XKR7: variants seen among roughly 807,000 people sequenced by gnomAD.
XKR7 encodes the protein XK-related protein 7.
A neutral mutation model predicts 42.2 loss-of-function variants in XKR7; 11 were observed. The observed-to-expected ratio is 0.26, with a 90% CI of 0.16 to 0.43. The LOEUF (loss-of-function observed/expected upper bound fraction) is 0.43, where lower values mean the gene tolerates loss of function less well. Among genes scored for constraint, XKR7 ranks in the 20% least tolerant of loss-of-function variants. The pLI, the probability that XKR7 is intolerant of heterozygous loss-of-function variation, is 1.00. For missense variants in XKR7, 710 were observed against 802.2 expected (o/e 0.89, Z 1.39); for synonymous variants, 346 against 366.4 (o/e 0.94, Z 0.64).
In XKR7 at chr20:32,001,095, G is replaced by A. The variant is rs2064622816; in HGVS notation, c.*3638G>A. On this transcript the variant is annotated 3_prime_UTR_variant, in exon 3 of 3. Coordinates refer to ENST00000562532, the MANE Select transcript of XKR7 (RefSeq NM_001011718.2). Reference sequence around the variant, plus strand: ...GGGCTGAGGGAGCTGGGAATATCCAGGGAAGGTCTCGCTTGCAGTCAACAC... The same window carrying A: ...GGGCTGAGGGAGCTGGGAATATCCAAGGAAGGTCTCGCTTGCAGTCAACAC... 1 of 152,272 alleles carries A rather than the reference G, an allele frequency of 6.6e-6. No homozygotes were observed. The allele number at this position is 152,272 out of a possible 1,614,324, so 9.4% of individuals were successfully genotyped here. A position where few individuals can be genotyped will look rare whatever the true frequency, so the allele number is the denominator to read the frequency against.
In XKR7 at chr20:31,996,886, T is replaced by C; in HGVS notation, c.1169T>C (p.Ile390Thr). 1 of 1,613,946 alleles carries C rather than the reference T, an allele frequency of 6.2e-7. No individual in the cohort carries two copies. Among genetic ancestry groups the C allele is most frequent in the East Asian group, 2.2e-5 (1 of 44,866 alleles). Residue 390 changes from isoleucine to threonine, a missense_variant, in exon 3 of 3, where the codon ATC (isoleucine) becomes ACC (threonine). By Grantham distance (89) the Ile-to-Thr change is moderately conservative. Transcript: ENST00000562532. ...CGCCGCATGACCCTCTACCACTGCA[T>C]CGTCCTGCTGGAGAACGCCGCGCTC... ...SRRRMTLYHC[I>T]VLLENAALTG...
chr20:31,976,013 CT>C (rs530297812), intron 1 of XKR7, among the ~76,000 whole-genome samples: 49 of 152,354 alleles, frequency 3.2e-4, no homozygotes, highest in African/African-American at 1.1e-3. Flanking sequence ...GTCACTTAAC[CT>C]TTCTGGACCT....
intron 1 of XKR7, among the ~76,000 whole-genome samples, chr20:31,986,831 A>C (rs1354930845): frequency 6.7e-6 from 1 of 148,242 alleles, no homozygotes; most frequent in Non-Finnish European, 1.5e-5. Context: ...CCCAGCATCC[A>C]AGACACAGAC....
Position 31,986,783 on chromosome 20 carries a change from C to CACAG in XKR7, c.585-8267_585-8264dup, listed in dbSNP as rs1283943474. Among the ~76,000 whole-genome samples, 75 of 139,670 alleles carry CACAG rather than the reference C, an allele frequency of 5.4e-4. No individual in the cohort carries two copies. In the East Asian group the frequency reaches 9.7e-3, roughly 18 times the overall value. 91.6% of individuals were successfully genotyped at this position (139,670 alleles called of 152,430 possible). The stretch of plus-strand genomic sequence containing the variant: ...CACCAAGCAGACCCAGCATCCAAGA[C>CACAG]ACAGACAGACAGACAGACAGAGAGA... On this transcript the variant is annotated intron_variant, in intron 1 of 2. Coordinates refer to ENST00000562532, the MANE Select transcript of XKR7 (RefSeq NM_001011718.2).
At chr20:31,980,491 G>T (rs2122259544) in intron 1 of XKR7, among the ~76,000 whole-genome samples, 1 of 152,348 alleles carries the variant, frequency 6.6e-6, no homozygotes, top group African/African-American at 2.4e-5. Flanking sequence ...GCCCCACGGT[G>T]AAATGGGGGA....
intron 1 of XKR7, among the ~76,000 whole-genome samples, chr20:31,985,329 G>C (rs1364631814): frequency 6.6e-6 from 1 of 152,152 alleles, no homozygotes; most frequent in Non-Finnish European, 1.5e-5. Context: ...GAACTGTGAG[G>C]GGGAGTGGGG....
intron 1 of XKR7, among the ~76,000 whole-genome samples, chr20:31,982,836 C>A (rs1280955047): frequency 6.6e-6 from 1 of 152,184 alleles, no homozygotes; most frequent in Non-Finnish European, 1.5e-5. Context: ...GTGCCAGAAA[C>A]CAAACTTCCT....
intron 1 of XKR7, among the ~76,000 whole-genome samples, chr20:31,989,178 G>A (rs1322175898): frequency 6.6e-6 from 1 of 152,196 alleles, no homozygotes. Flanking sequence ...GTGAGCTGAT[G>A]AGGAGCCAGC....
chr20:31,997,394 C>T lies in XKR7; in HGVS notation c.1677C>T (p.Pro559=), dbSNP rs749487126. Reference sequence around the variant, plus strand: ...TGGAGTACTCCTCACCTGCCACGCCCCGGTTGCAGTACCGGAGTGTGGGGA... The same window carrying T: ...TGGAGTACTCCTCACCTGCCACGCCTCGGTTGCAGTACCGGAGTGTGGGGA... ...LALEYSSPAT[P]RLQYRSVGTS... Residue 559 remains proline, a synonymous_variant, in exon 3 of 3, where the codon CCC becomes CCT. Transcript: ENST00000562532. The T allele has an allele frequency of 3.7e-6, 6 of 1,600,080 alleles. No individual in the cohort carries two copies. Among genetic ancestry groups the T allele is most frequent in the Non-Finnish European group, 5.1e-6 (6 of 1,179,910 alleles).
At chr20:31,986,251 G>C (rs2064539502) in intron 1 of XKR7, among the ~76,000 whole-genome samples, 2 of 89,712 alleles carry the variant, frequency 2.2e-5, no homozygotes, top group African/African-American at 4.7e-5. Flanking sequence ...CCACCAAGCA[G>C]ACCCAGCATC....
In XKR7 at chr20:31,968,511, C is replaced by A. The variant is rs1463481740; in HGVS notation, c.336C>A (p.Phe112Leu). Residue 112 changes from phenylalanine (F) to leucine (L), a missense_variant, in exon 1 of 3, where the codon TTC becomes TTA. Transcript: ENST00000562532. The surrounding 1 kb of genome is among the most constrained non-coding windows in gnomAD (Gnocchi z 4.5). The part of the protein sequence containing the change: ...LVVQLLSFRW[F>L]VYDYSEPAGS... ...TGCAGTTACTGAGCTTCCGCTGGTT[C>A]GTCTACGACTACTCGGAGCCCGCAG... 4 of 1,612,462 alleles carry A rather than the reference C, an allele frequency of 2.5e-6. No homozygotes were observed. Among genetic ancestry groups the A allele is most frequent in the Non-Finnish European group, 8.5e-7 (1 of 1,179,304 alleles).
At chr20:31,988,134 G>T (rs993266877) in intron 1 of XKR7, among the ~76,000 whole-genome samples, 2 of 152,242 alleles carry the variant, frequency 1.3e-5, no homozygotes, top group African/African-American at 2.4e-5. Flanking sequence ...GTGCAGGCCA[G>T]AAACTCTGAC....
At position 31,998,280 on chromosome 20, in the gene XKR7, C is replaced by G. The variant is rs1397706081; in HGVS notation, c.*823C>G. ...GCCATTTTTTGTTCTAGATGTGCAC[C>G]TGGAACGTGGCTTCTAGATACAGGT... On this transcript the variant is annotated 3_prime_UTR_variant, in exon 3 of 3. Transcript: ENST00000562532. 6.6e-6 allele frequency: 1 copy of G among 152,084 alleles called. No homozygotes were observed. The highest frequency in any genetic ancestry group is 1.5e-5 in the Non-Finnish European group (1 of 68,034). 9.4% of individuals were successfully genotyped at this position (152,084 alleles called of 1,614,324 possible).
intron 1 of XKR7, among the ~76,000 whole-genome samples, chr20:31,986,818 A>T (rs1476957282): frequency 6.8e-6 from 1 of 147,096 alleles, no homozygotes; most frequent in Non-Finnish European, 1.5e-5. Context: ...ACAACCAAGC[A>T]GACCCAGCAT....
chr20:31,995,668 A>AC lies in XKR7; in HGVS notation c.787+403dup, dbSNP rs920235607. On this transcript the variant is annotated intron_variant, in intron 2 of 2. Coordinates refer to ENST00000562532, the MANE Select transcript of XKR7 (RefSeq NM_001011718.2). This position sits in a 1 kb window ranked among gnomAD's most constrained non-coding sequence, Gnocchi z 4.1. Reference sequence around the variant, plus strand: ...TGATCCCAGCCTGCATCTCCTGGGGACCCCCTGCCTCATAGACCTGGCCAA... The same window carrying AC: ...TGATCCCAGCCTGCATCTCCTGGGGACCCCCCTGCCTCATAGACCTGGCCAA... 2.0e-5 allele frequency among the ~76,000 whole-genome samples: 3 copies of AC among 150,844 alleles called. No individual in the cohort carries two copies. Among genetic ancestry groups the AC allele is most frequent in the African/African-American group, 7.3e-5 (3 of 40,912 alleles).
chr20:31,996,481 C>A, intron 2 of XKR7, 24 bp from the exon 3 acceptor site: 1 of 806,668 alleles, frequency 1.2e-6, no homozygotes, highest in South Asian at 4.2e-5. Flanking sequence ...CCCAGCCCAC[C>A]CCGCCCCTGC....
intron 1 of XKR7, among the ~76,000 whole-genome samples, chr20:31,986,631 C>CACAG (rs1336198449): frequency 6.9e-6 from 1 of 144,374 alleles, no homozygotes; most frequent in Non-Finnish European, 1.5e-5. Flanking sequence ...ACATCCAAGA[C>CACAG]ACAGACAGAC....
chr20:31,990,213 T>C (rs1167057005), intron 1 of XKR7, among the ~76,000 whole-genome samples: 1 of 149,108 alleles, frequency 6.7e-6, no homozygotes, highest in Non-Finnish European at 1.5e-5. Context: ...TGTGTGTGTG[T>C]GGAAACAGGG....
In XKR7 at chr20:31,976,786, T is replaced by A. The variant is rs6058506; in HGVS notation, c.584+8027T>A. Among the ~76,000 whole-genome samples, 15 of 152,346 alleles carry A rather than the reference T, an allele frequency of 9.8e-5. 2 individuals are homozygous for A. Among genetic ancestry groups the A allele is most frequent in the African/African-American group, 3.6e-4 (15 of 41,582 alleles). ...CTCCCCAGGCACAATTACTCATTCC[T>A]TTTTACCCCACAGCACTGATCACAT... is the stretch of plus-strand genomic sequence containing the variant. On this transcript the variant is annotated intron_variant, in intron 1 of 2. Transcript: ENST00000562532.
Sources: allele counts gnomAD v4.1 joint callset (sites outside exome capture counted in the v4.1 genomes callset), GRCh38; gene constraint gnomAD v4.1.1; non-coding constraint Gnocchi (gnomAD v3.1); transcripts MANE v1.5; gene names NCBI Gene and HGNC (gene_info 2026-07-23, HGNC 2026-07-21).